The following PSMC6 variants were observed in gnomAD, a reference collection of about 807,000 sequenced individuals.
The protein encoded by PSMC6 is 26S proteasome regulatory subunit 10B.
In PSMC6, 3 loss-of-function variants were observed where a neutral mutation model predicts 55.9. That is an observed-to-expected ratio of 0.05 (90% confidence interval 0.02 to 0.14). The LOEUF (loss-of-function observed/expected upper bound fraction) is 0.14, where lower values mean the gene tolerates loss of function less well. PSMC6 is among the 10% of genes least tolerant of loss of function. The pLI is 1.00. For missense variants in PSMC6, 210 were observed against 478.7 expected (o/e 0.44, Z 5.24); for synonymous variants, 137 against 155.9 (o/e 0.88, Z 0.90).
intron 9 of PSMC6, chr14:52,718,709 C>CTTTTTG: frequency 2.3e-6 from 1 of 430,394 alleles, no homozygotes; most frequent in Admixed American, 4.0e-5. Flanking sequence ...TCGCTTGAAC[C>CTTTTTG]CAGGAGACGT....
intron 7 of PSMC6, among the ~76,000 whole-genome samples, chr14:52,715,901 G>T (rs1403488835): frequency 5.3e-5 from 8 of 152,164 alleles, no homozygotes; most frequent in Non-Finnish European, 2.9e-5. Context: ...ACAGGCATGA[G>T]CCACAATGTC....
chr14:52,710,845 C>T, intron 4 of PSMC6: 1 of 460,310 alleles, frequency 2.2e-6, no homozygotes, highest in South Asian at 2.4e-5. Flanking sequence ...ACCATTGCTG[C>T]CTCAAGCTTT....
chr14:52,716,118 C>A (rs1566658802), intron 7 of PSMC6, among the ~76,000 whole-genome samples: 1 of 152,014 alleles, frequency 6.6e-6, no homozygotes. Context: ...CAGGATAGAC[C>A]AATGTATTTT....
chr14:52,725,392 T>C lies in PSMC6; in HGVS notation c.1051+1356T>C, dbSNP rs189467427. On this transcript the variant is annotated intron_variant, in intron 13 of 13. Transcript: ENST00000445930. ...GGTGGGACATTCACATCTGGAAACA[T>C]ACTGAAATTTTTATCTTCTTTTTAG... Among the ~76,000 whole-genome samples the C allele has an allele frequency of 3.9e-4, 60 of 152,352 alleles. No homozygotes were observed. The Middle Eastern group carries it at 0.017, about 43-fold the overall frequency.
At chr14:52,725,137 T>C (rs1880357239) in intron 13 of PSMC6, among the ~76,000 whole-genome samples, 1 of 152,234 alleles carries the variant, frequency 6.6e-6, no homozygotes, top group Admixed American at 6.5e-5. Context: ...TTGAACAAGT[T>C]AGAGTAATTT....
chr14:52,727,230 C>G (rs894341184), intron 13 of PSMC6, among the ~76,000 whole-genome samples: 1 of 150,244 alleles, frequency 6.7e-6, no homozygotes, highest in Non-Finnish European at 1.5e-5. Flanking sequence ...GGGGTTTCAC[C>G]GTGTTGGCCA....
At chr14:52,718,845 T>A in intron 9 of PSMC6, 132 bp from the exon 10 acceptor site, 4 of 698,820 alleles carry the variant, frequency 5.7e-6, no homozygotes, top group Non-Finnish European at 9.6e-6. Flanking sequence ...AGTCTAACTT[T>A]GTCAGCATAA....
intron 5 of PSMC6, 89 bp downstream of exon 5, chr14:52,711,257 T>C (rs2041769061): frequency 2.2e-6 from 3 of 1,374,220 alleles, no homozygotes; most frequent in Non-Finnish European, 3.1e-6. Flanking sequence ...TCACTGAATA[T>C]TTTGGCACTT....
In PSMC6 at chr14:52,711,454, A is replaced by T; in HGVS notation, c.371A>T (p.His124Leu). Residue 124 changes from histidine (H) to leucine (L), a missense_variant, in exon 6 of 14, where the codon CAT (histidine) becomes CTT (leucine). By Grantham distance (99) the His-to-Leu change is moderately conservative. This residue lies in a region of PSMC6 where 101 missense variants were observed against 250.4 expected (regional missense o/e 0.40). Coordinates refer to ENST00000445930, the MANE Select transcript of PSMC6 (RefSeq NM_002806.5). The part of the protein sequence containing the change: ...EVDPLVYNMS[H>L]EDPGNVSYSE... ...GATCCACTGGTTTATAACATGTCTC[A>T]TGAGGACCCTGGGAATGTTTCTTAT... The T allele has an allele frequency of 6.2e-7, 1 of 1,613,158 alleles. No individual in the cohort carries two copies. The highest frequency in any genetic ancestry group is 8.5e-7 in the Non-Finnish European group (1 of 1,179,284).
intron 4 of PSMC6, chr14:52,709,168 C>A: frequency 4.9e-6 from 1 of 203,882 alleles, no homozygotes; most frequent in Non-Finnish European, 1.0e-5. Context: ...TTTAGACATT[C>A]AGAACTGTTA....
chr14:52,711,217 G>T (rs2041768530), intron 5 of PSMC6, 49 bp downstream of exon 5: 2 of 1,527,762 alleles, frequency 1.3e-6, no homozygotes, highest in South Asian at 2.3e-5. Context: ...ACAAAGGGTG[G>T]TTTTTATCTG....
rs902887532 is a variant in PSMC6 at position 52,708,539 on chromosome 14, C to CTTA, written c.205+21_205+23dup. The stretch of plus-strand genomic sequence containing the variant: ...AAGAAAAATGTGAGTGATGAATTAG[C>CTTA]TTATTAATTAGTAAAGAAACAGTCC... On this transcript the variant is annotated intron_variant, in intron 3 of 13. Coordinates refer to ENST00000445930, the MANE Select transcript of PSMC6 (RefSeq NM_002806.5). The CTTA allele has an allele frequency of 4.5e-5, 73 of 1,607,958 alleles. No homozygotes were observed. The highest frequency in any genetic ancestry group is 6.0e-5 in the Non-Finnish European group (71 of 1,174,746).
At position 52,728,373 on chromosome 14, in the gene PSMC6, T is replaced by C. The variant is rs1274919915; in HGVS notation, c.*756T>C. The C allele has an allele frequency of 1.3e-5, 2 of 152,226 alleles. No homozygotes were observed. The highest frequency in any genetic ancestry group is 4.8e-5 in the African/African-American group (2 of 41,450). The allele number at this position is 152,226 out of a possible 1,614,324, so 9.4% of individuals were successfully genotyped here. A position where few individuals can be genotyped will look rare whatever the true frequency, so the allele number is the denominator to read the frequency against. On this transcript the variant is annotated 3_prime_UTR_variant, in exon 14 of 14. Transcript: ENST00000445930. Reference sequence around the variant, plus strand: ...TGAGGATGTGGAGGTCTGGACCCTCTTCCAGGAAAAATTCTAACATACAAT... The same window carrying C: ...TGAGGATGTGGAGGTCTGGACCCTCCTCCAGGAAAAATTCTAACATACAAT...
At chr14:52,711,075 TA>T in intron 4 of PSMC6, 25 bp from the exon 5 acceptor site, 2 of 1,563,112 alleles carry the variant, frequency 1.3e-6, no homozygotes, top group Non-Finnish European at 1.8e-6. Context: ...AGTGTTGATG[TA>T]ATATCTTTTG....
chr14:52,716,551 C>T (rs970124892), intron 7 of PSMC6, among the ~76,000 whole-genome samples: 1 of 152,030 alleles, frequency 6.6e-6, no homozygotes. Context: ...GTCGGGAGTT[C>T]GAGACCAGCC....
At chr14:52,709,756 A>G (rs180721723) in intron 4 of PSMC6, 3,543 of 298,276 alleles carry the variant, frequency 0.012, 47 homozygotes, top group Non-Finnish European at 0.014. Context: ...TTCAGGTTTT[A>G]GAATATTTGT....
At chr14:52,714,587 C>A (rs555349586) in intron 7 of PSMC6, among the ~76,000 whole-genome samples, 1 of 152,096 alleles carries the variant, frequency 6.6e-6, no homozygotes, top group Non-Finnish European at 1.5e-5. Flanking sequence ...TTAAGCCAGG[C>A]GCAGTGGCTC....
intron 13 of PSMC6, among the ~76,000 whole-genome samples, chr14:52,725,256 C>G (rs1880362430): frequency 2.0e-5 from 3 of 152,142 alleles, no homozygotes; most frequent in Admixed American, 2.0e-4. Context: ...AAGGCTGTTG[C>G]TATCAAAATA....
chr14:52,717,805 C>T (rs1381621359), intron 7 of PSMC6, among the ~76,000 whole-genome samples: 1 of 151,868 alleles, frequency 6.6e-6, no homozygotes, highest in Non-Finnish European at 1.5e-5. Flanking sequence ...ATCACCTGAG[C>T]CCAAGAGTTC....
Sources: allele counts gnomAD v4.1 joint callset (sites outside exome capture counted in the v4.1 genomes callset), GRCh38; gene constraint gnomAD v4.1.1; regional missense constraint gnomAD v4.1.1; transcripts MANE v1.5; gene names NCBI Gene and HGNC (gene_info 2026-07-23, HGNC 2026-07-21).